The following TBC1D5 variants were observed in gnomAD, a reference collection of about 807,000 sequenced individuals.
TBC1D5 encodes TBC1 domain family, member 5.
A neutral mutation model predicts 100.3 loss-of-function variants in TBC1D5; 75 were observed. The ratio of observed to expected loss-of-function variants is 0.75; its 90% confidence interval spans 0.62 to 0.91. TBC1D5 has a LOEUF of 0.91. Among genes scored for constraint, TBC1D5 ranks in the 40% least tolerant of loss-of-function variants. TBC1D5 has a pLI of 0.00. For missense variants in TBC1D5, 910 were observed against 942.4 expected (o/e 0.97, Z 0.45); for synonymous variants, 323 against 325.6 (o/e 0.99, Z 0.09).
At chr3:17,396,984 G>A (rs971804894) in intron 8 of TBC1D5, among the ~76,000 whole-genome samples, 1 of 152,044 alleles carries the variant, frequency 6.6e-6, no homozygotes, top group African/African-American at 2.4e-5. Context: ...AGTATCCTCT[G>A]TAAGAGTTGT....
chr3:17,601,568 T>C (rs1007927270), intron 2 of TBC1D5, among the ~76,000 whole-genome samples: 3 of 152,190 alleles, frequency 2.0e-5, no homozygotes, highest in African/African-American at 7.2e-5. Flanking sequence ...AACTTATAAC[T>C]GCCCTTGTGA....
At chr3:17,174,864 T>A (rs1405418217) in intron 19 of TBC1D5, among the ~76,000 whole-genome samples, 1 of 152,148 alleles carries the variant, frequency 6.6e-6, no homozygotes, top group Non-Finnish European at 1.5e-5. Context: ...AGTGCTGGGA[T>A]TACAGACATG....
intron 13 of TBC1D5, among the ~76,000 whole-genome samples, chr3:17,347,926 C>T (rs955691861): frequency 6.6e-6 from 1 of 152,122 alleles, no homozygotes; most frequent in Admixed American, 6.5e-5. Context: ...TCCCTTGAGT[C>T]CAGGAGCTGG....
At chr3:17,549,888 C>T (rs1244838950) in intron 2 of TBC1D5, among the ~76,000 whole-genome samples, 1 of 151,582 alleles carries the variant, frequency 6.6e-6, no homozygotes, top group South Asian at 2.1e-4. Flanking sequence ...CAAGATTGAG[C>T]CACTGTACTC....
intron 3 of TBC1D5, among the ~76,000 whole-genome samples, chr3:17,460,291 G>C (rs918668147): frequency 6.6e-6 from 1 of 151,972 alleles, no homozygotes. Context: ...AATTAGAGAG[G>C]GTCAGAAAAA....
chr3:17,315,664 G>T (rs2084606956), intron 13 of TBC1D5, among the ~76,000 whole-genome samples: 1 of 152,188 alleles, frequency 6.6e-6, no homozygotes, highest in Admixed American at 6.5e-5. Flanking sequence ...TTCAGGTTAA[G>T]GGAGTTCACC....
chr3:17,161,638 T>C (rs1363298251), intron 21 of TBC1D5, among the ~76,000 whole-genome samples: 1 of 152,256 alleles, frequency 6.6e-6, no homozygotes, highest in Non-Finnish European at 1.5e-5. Context: ...AAATCACCCA[T>C]CCTCCTTGAA....
chr3:17,683,928 A>G (rs1199513290), intron 1 of TBC1D5, among the ~76,000 whole-genome samples: 1 of 152,170 alleles, frequency 6.6e-6, no homozygotes, highest in Non-Finnish European at 1.5e-5. Flanking sequence ...TTTTGATGTC[A>G]TAAGAAAATT....
chr3:17,618,670 C>A (rs568518876), intron 2 of TBC1D5, among the ~76,000 whole-genome samples: 2 of 152,350 alleles, frequency 1.3e-5, no homozygotes, highest in South Asian at 4.1e-4. Context: ...GCTGTGCTAG[C>A]AGTGAGCAAA....
chr3:17,273,146 C>T (rs1400259653), intron 15 of TBC1D5, among the ~76,000 whole-genome samples: 1 of 152,108 alleles, frequency 6.6e-6, no homozygotes, highest in East Asian at 1.9e-4. Flanking sequence ...CAGTTGATTT[C>T]TCTGTAACAT....
intron 1 of TBC1D5, among the ~76,000 whole-genome samples, chr3:17,642,771 G>C (rs1334833983): frequency 5.9e-5 from 9 of 152,060 alleles, no homozygotes. Flanking sequence ...CATTATAATA[G>C]AAGAGCACTT....
At chr3:17,160,296 TCA>T (rs2065920784) in exon 22 of TBC1D5, 1 of 152,290 alleles carries the variant, frequency 6.6e-6, no homozygotes, top group East Asian at 1.9e-4. Flanking sequence ...TAACACTATA[TCA>T]CACCTAAATA....
At chr3:17,279,331 C>G (rs2596680) in intron 15 of TBC1D5, among the ~76,000 whole-genome samples, 64,231 of 151,904 alleles carry the variant, frequency 0.42, 14,307 homozygotes, top group Middle Eastern at 0.5. Flanking sequence ...GGGGACATGG[C>G]GACACCAACA....
chr3:17,228,992 C>T (rs1396901206), intron 17 of TBC1D5, among the ~76,000 whole-genome samples: 1 of 152,040 alleles, frequency 6.6e-6, no homozygotes, highest in East Asian at 1.9e-4. Flanking sequence ...CATGGATTTT[C>T]TATTACCAAA....
chr3:17,707,748 A>G (rs1407046155), intron 1 of TBC1D5, among the ~76,000 whole-genome samples: 2 of 152,218 alleles, frequency 1.3e-5, no homozygotes, highest in Admixed American at 1.3e-4. Flanking sequence ...ATATATAAAA[A>G]TATATCCTTT....
exon 22 of TBC1D5, chr3:17,160,671 A>G: frequency 2.8e-6 from 1 of 355,534 alleles, no homozygotes; most frequent in Non-Finnish European, 5.2e-6. Context: ...GGTCTTTTCT[A>G]ACTGTGAGTG....
At chr3:17,607,679 C>G (rs2061416812) in intron 2 of TBC1D5, among the ~76,000 whole-genome samples, 1 of 151,824 alleles carries the variant, frequency 6.6e-6, no homozygotes, top group African/African-American at 2.4e-5. Context: ...CAAAAACACA[C>G]AAACACACAC....
chr3:17,694,668 A>T (rs1304136534), intron 1 of TBC1D5, among the ~76,000 whole-genome samples: 1 of 152,248 alleles, frequency 6.6e-6, no homozygotes, highest in Non-Finnish European at 1.5e-5. Context: ...GTTGGAAAAC[A>T]GTCTTCAGGA....
intron 17 of TBC1D5, among the ~76,000 whole-genome samples, chr3:17,237,361 G>A (rs2075943661): frequency 6.6e-6 from 1 of 152,096 alleles, no homozygotes; most frequent in African/African-American, 2.4e-5. Flanking sequence ...TGAAAAGGGG[G>A]ACCTAATACA....
Sources: allele counts gnomAD v4.1 joint callset (sites outside exome capture counted in the v4.1 genomes callset), GRCh38; gene constraint gnomAD v4.1.1; transcripts MANE v1.5; gene names NCBI Gene and HGNC (gene_info 2026-07-23, HGNC 2026-07-21).